Variants in TBC1D19 observed in about 807,000 individuals in gnomAD.
The protein encoded by TBC1D19 is TBC1 domain family member 19, also known as TBC1 domain family, member 19.
TBC1D19 carries 60 observed loss-of-function variants against 89.0 expected under a neutral mutation model. The observed-to-expected ratio is 0.67, with a 90% CI of 0.55 to 0.84. The LOEUF (loss-of-function observed/expected upper bound fraction) is 0.84, where lower values mean the gene tolerates loss of function less well. Among genes scored for constraint, TBC1D19 ranks in the 40% least tolerant of loss-of-function variants. The pLI, the probability that TBC1D19 is intolerant of heterozygous loss-of-function variation, is 0.00. For missense variants in TBC1D19, 500 were observed against 610.8 expected, an observed-to-expected ratio of 0.82 and a Z score of 1.91; for synonymous variants, 189 against 199.7, an observed-to-expected ratio of 0.95 and a Z score of 0.45.
At chr4:26,650,973 A>T (rs1303279644) in intron 7 of TBC1D19, among the ~76,000 whole-genome samples, 1 of 152,172 alleles carries the variant, frequency 6.6e-6, no homozygotes, top group East Asian at 1.9e-4. Flanking sequence ...TAAATAGGGA[A>T]TCCTTTCCCC....
intron 18 of TBC1D19, 139 bp downstream of exon 18, chr4:26,742,738 A>G (rs1018806095): frequency 9.4e-6 from 5 of 533,070 alleles, no homozygotes; most frequent in African/African-American, 3.9e-5. Context: ...ATAATTATCA[A>G]TTAGTAAATT....
intron 1 of TBC1D19, among the ~76,000 whole-genome samples, chr4:26,577,517 C>T (rs935336123): frequency 3.9e-5 from 6 of 152,216 alleles, no homozygotes; most frequent in African/African-American, 1.2e-4. Context: ...TCAACCAGCA[C>T]ATCTTCAGTA....
At chr4:26,610,365 C>T (rs1447704448) in intron 1 of TBC1D19, among the ~76,000 whole-genome samples, 1 of 151,846 alleles carries the variant, frequency 6.6e-6, no homozygotes, top group Non-Finnish European at 1.5e-5. Flanking sequence ...ATCACAAACC[C>T]CTCCGTTTCT....
the TBC1D19 span, among the ~76,000 whole-genome samples, chr4:26,836,406 C>T: frequency 6.6e-6 from 1 of 152,158 alleles, no homozygotes; most frequent in East Asian, 1.9e-4. Flanking sequence ...TCTTTTGAAG[C>T]TGATGGTGTT....
chr4:26,718,629 C>T (rs181878436), intron 14 of TBC1D19, among the ~76,000 whole-genome samples: 2 of 152,190 alleles, frequency 1.3e-5, no homozygotes, highest in East Asian at 3.9e-4. Context: ...AAGAAACTTT[C>T]TCCTGTATCT....
chr4:26,695,696 C>T (rs920170360), intron 13 of TBC1D19, among the ~76,000 whole-genome samples: 2 of 152,094 alleles, frequency 1.3e-5, no homozygotes, highest in Non-Finnish European at 2.9e-5. Flanking sequence ...GGAGTGGGGG[C>T]CAATATTCAA....
At chr4:26,653,971 A>C (rs1183520596) in intron 7 of TBC1D19, among the ~76,000 whole-genome samples, 1 of 152,120 alleles carries the variant, frequency 6.6e-6, no homozygotes, top group Non-Finnish European at 1.5e-5. Flanking sequence ...CCTAGCCTTG[A>C]TGGTCTTTAC....
At chr4:26,782,046 G>A in the TBC1D19 span, among the ~76,000 whole-genome samples, 1 of 152,146 alleles carries the variant, frequency 6.6e-6, no homozygotes, top group Non-Finnish European at 1.5e-5. Context: ...ATGTTTTGGT[G>A]TATTTCTTTG....
chr4:26,817,962 T>C, the TBC1D19 span, among the ~76,000 whole-genome samples: 2 of 97,082 alleles, frequency 2.1e-5, no homozygotes, highest in Non-Finnish European at 3.8e-5. Context: ...GAGTGGAAAC[T>C]CCATTTAAAA....
chr4:26,810,213 T>C, the TBC1D19 span, among the ~76,000 whole-genome samples: 2 of 152,224 alleles, frequency 1.3e-5, no homozygotes, highest in African/African-American at 4.8e-5. Context: ...CAATGCACCC[T>C]GTATCAGCTG....
chr4:26,834,003 A>G, the TBC1D19 span, among the ~76,000 whole-genome samples: 1 of 152,206 alleles, frequency 6.6e-6, no homozygotes, highest in Non-Finnish European at 1.5e-5. Flanking sequence ...CAACTGGATC[A>G]TGGGGGCAGA....
the TBC1D19 span, among the ~76,000 whole-genome samples, chr4:26,783,321 T>A: frequency 6.6e-6 from 1 of 152,220 alleles, no homozygotes. Context: ...GTATTTGGAA[T>A]AAAGTATCTC....
the TBC1D19 span, among the ~76,000 whole-genome samples, chr4:26,769,538 GT>G: frequency 6.9e-6 from 1 of 143,984 alleles, no homozygotes; most frequent in Non-Finnish European, 1.6e-5. Flanking sequence ...TAAATATATA[GT>G]TTAAGGTTCT....
intron 11 of TBC1D19, among the ~76,000 whole-genome samples, chr4:26,678,340 T>G (rs560898674): frequency 6.6e-6 from 1 of 152,344 alleles, no homozygotes; most frequent in East Asian, 1.9e-4. Flanking sequence ...TCAATTATTT[T>G]AGGAGGTTTG....
chr4:26,577,470 C>A (rs1254428583), intron 1 of TBC1D19, among the ~76,000 whole-genome samples: 1 of 152,170 alleles, frequency 6.6e-6, no homozygotes. Context: ...CCAAACAGTC[C>A]CCTCCTGGGG....
At chr4:26,783,412 T>C in the TBC1D19 span, among the ~76,000 whole-genome samples, 1 of 152,200 alleles carries the variant, frequency 6.6e-6, no homozygotes, top group African/African-American at 2.4e-5. Context: ...TGACTTGCCA[T>C]ATGTTAGAGA....
At chr4:26,793,336 A>G in the TBC1D19 span, among the ~76,000 whole-genome samples, 1 of 152,238 alleles carries the variant, frequency 6.6e-6, no homozygotes. Flanking sequence ...CTCACTGAAC[A>G]AAAGTGGGAG....
At chr4:26,851,335 A>ATCTGTCTGTCTG in the TBC1D19 span, among the ~76,000 whole-genome samples, 7 of 103,234 alleles carry the variant, frequency 6.8e-5, no homozygotes, top group African/African-American at 2.2e-4. Context: ...CTATCTATCT[A>ATCTGTCTGTCTG]TCTATCTATC....
chr4:26,792,200 G>A, the TBC1D19 span, among the ~76,000 whole-genome samples: 8 of 151,596 alleles, frequency 5.3e-5, no homozygotes, highest in South Asian at 2.1e-4. Context: ...TGTGTGTAAC[G>A]TAATTAGTTC....
Sources: gnomAD v4.1 joint callset for allele counts (sites outside exome capture counted in the v4.1 genomes callset) on GRCh38, gnomAD v4.1.1 for gene constraint, MANE v1.5 for transcripts, NCBI Gene and HGNC (gene_info 2026-07-23, HGNC 2026-07-21) for gene names.